XYLT1: variants seen among roughly 807,000 people sequenced by gnomAD.
XYLT1 encodes the protein xylosyltransferase 1.
Under a neutral mutation model 91.3 loss-of-function variants are expected in XYLT1, and 36 were observed. The ratio of observed to expected loss-of-function variants is 0.39; its 90% CI spans 0.30 to 0.52. The LOEUF (loss-of-function observed/expected upper bound fraction) is 0.52. Ranked by LOEUF, XYLT1 falls within the 20% of genes least tolerant of loss-of-function variation. XYLT1 has a pLI of 0.68. For synonymous variants in XYLT1, 588 were observed against 532.0 expected, an observed-to-expected ratio of 1.11 and a Z score of -1.45; for missense variants, 1,242 against 1,284.5, an observed-to-expected ratio of 0.97 and a Z score of 0.51.
At chr16:17,328,003 G>A (rs1186058852) in intron 2 of XYLT1, among the ~76,000 whole-genome samples, 1 of 152,070 alleles carries the variant, frequency 6.6e-6, no homozygotes, top group Admixed American at 6.6e-5. Flanking sequence ...TGGGAGGAGA[G>A]GACCATCATG....
chr16:17,303,204 T>C (rs1354811414), intron 2 of XYLT1, among the ~76,000 whole-genome samples: 1 of 152,208 alleles, frequency 6.6e-6, no homozygotes, highest in African/African-American at 2.4e-5. Flanking sequence ...GGAAATCATA[T>C]TTAGTTCAGG....
chr16:17,183,444 A>T (rs2032113959), intron 5 of XYLT1, among the ~76,000 whole-genome samples: 1 of 152,118 alleles, frequency 6.6e-6, no homozygotes, highest in African/African-American at 2.4e-5. Flanking sequence ...GTTGGCAAAA[A>T]ACTCAGGTCC....
intron 1 of XYLT1, among the ~76,000 whole-genome samples, chr16:17,363,698 C>T (rs543707404): frequency 6.6e-6 from 1 of 152,168 alleles, no homozygotes; most frequent in African/African-American, 2.4e-5. Flanking sequence ...TGCCACCACG[C>T]CCAGCTAATT....
intron 11 of XYLT1, 150 bp from the exon 12 acceptor site, chr16:17,109,167 C>G: frequency 1.1e-6 from 1 of 875,244 alleles, no homozygotes; most frequent in Non-Finnish European, 1.6e-6. Flanking sequence ...TTTTAGCAGT[C>G]CCATTTCACA....
chr16:17,201,128 CCT>C (rs2032533545), intron 3 of XYLT1, among the ~76,000 whole-genome samples: 2 of 152,146 alleles, frequency 1.3e-5, no homozygotes, highest in Non-Finnish European at 2.9e-5. Flanking sequence ...TGAAATCTCC[CCT>C]CTTAATAAAT....
chr16:17,340,492 C>T (rs1345338000), intron 2 of XYLT1, among the ~76,000 whole-genome samples: 1 of 152,180 alleles, frequency 6.6e-6, no homozygotes, highest in Non-Finnish European at 1.5e-5. Flanking sequence ...TTCGAGGTAT[C>T]ACAGAATGGT....
At chr16:17,356,370 T>A (rs1374050521) in intron 2 of XYLT1, among the ~76,000 whole-genome samples, 2 of 152,088 alleles carry the variant, frequency 1.3e-5, no homozygotes, top group South Asian at 4.2e-4. Context: ...GGAAACCGAA[T>A]CCTTTTCCTC....
At chr16:17,321,975 C>T (rs2034731169) in intron 2 of XYLT1, among the ~76,000 whole-genome samples, 1 of 152,138 alleles carries the variant, frequency 6.6e-6, no homozygotes, top group East Asian at 1.9e-4. Context: ...GTGAAGGGAA[C>T]TTATCATCAC....
In XYLT1 at chr16:17,108,587, A is replaced by G; in HGVS notation, c.*108T>C. On this transcript the variant is annotated 3_prime_UTR_variant, in exon 12 of 12. Transcript: ENST00000261381. The stretch of plus-strand genomic sequence containing the variant: ...ATCATTCTATGGCCAGGAGAGACCC[A>G]TTCACAGAGGGCCTCCCCCAGGGTG... 1 of 1,129,406 alleles carries G rather than the reference A, an allele frequency of 8.9e-7. No individual in the cohort carries two copies. Among genetic ancestry groups the G allele is most frequent in the Admixed American group, 2.9e-5 (1 of 34,868 alleles). The allele number at this position is 1,129,406 out of a possible 1,614,324, so 70.0% of individuals were successfully genotyped here. A position where few individuals can be genotyped will look rare whatever the true frequency, so the allele number is the denominator to read the frequency against.
intron 5 of XYLT1, among the ~76,000 whole-genome samples, chr16:17,187,643 TTTCTTCTTA>T: frequency 6.6e-6 from 1 of 151,972 alleles, no homozygotes; most frequent in East Asian, 1.9e-4. Context: ...TTTTCTTTTC[TTTCTTCTTA>T]TTTTCTTTTT....
At chr16:17,411,427 C>T (rs1177853910) in intron 1 of XYLT1, among the ~76,000 whole-genome samples, 3 of 152,140 alleles carry the variant, frequency 2.0e-5, no homozygotes, top group African/African-American at 7.2e-5. Flanking sequence ...ACAAGGAATG[C>T]TGCTACTATC....
chr16:17,317,013 G>A (rs896338155), intron 2 of XYLT1, among the ~76,000 whole-genome samples: 2 of 150,878 alleles, frequency 1.3e-5, no homozygotes, highest in African/African-American at 2.4e-5. Flanking sequence ...TAGTAGAGAC[G>A]GAGTTTCACC....
At chr16:17,286,908 C>G (rs2034149429) in intron 2 of XYLT1, among the ~76,000 whole-genome samples, 1 of 152,116 alleles carries the variant, frequency 6.6e-6, no homozygotes, top group African/African-American at 2.4e-5. Flanking sequence ...AGTTCAAACC[C>G]TGAATTCTGT....
chr16:17,436,953 G>A (rs954990672), intron 1 of XYLT1, among the ~76,000 whole-genome samples: 13 of 152,180 alleles, frequency 8.5e-5, no homozygotes, highest in African/African-American at 3.1e-4. Context: ...TGTGAAATGG[G>A]TGATGATAAC....
intron 3 of XYLT1, among the ~76,000 whole-genome samples, chr16:17,212,020 T>A (rs961587745): frequency 6.6e-6 from 1 of 152,194 alleles, no homozygotes; most frequent in African/African-American, 2.4e-5. Flanking sequence ...TGGTGGGGGA[T>A]AGGGCGTGGA....
chr16:17,349,469 C>T (rs55716088), intron 2 of XYLT1, among the ~76,000 whole-genome samples: 10,136 of 151,808 alleles, frequency 0.067, 1,184 homozygotes, highest in African/African-American at 0.23. Context: ...ACCTACTGAC[C>T]GTACAACTTT....
At chr16:17,138,146 GGTTAATGA>G (rs1021785514) in intron 8 of XYLT1, 3 of 531,930 alleles carry the variant, frequency 5.6e-6, no homozygotes, top group African/African-American at 5.6e-5. Flanking sequence ...GTTGTTTTTG[GGTTAATGA>G]GTCAATGTGG....
intron 1 of XYLT1, among the ~76,000 whole-genome samples, chr16:17,430,334 C>T (rs942090832): frequency 2.6e-5 from 4 of 152,150 alleles, no homozygotes; most frequent in Admixed American, 6.5e-5. Flanking sequence ...TTCAGAATTT[C>T]AGATTACGGG....
At chr16:17,465,708 C>A (rs779077582) in intron 1 of XYLT1, among the ~76,000 whole-genome samples, 1 of 152,106 alleles carries the variant, frequency 6.6e-6, no homozygotes, top group African/African-American at 2.4e-5. Flanking sequence ...CATTCTACTG[C>A]CTTGGATTTA....
Sources: allele counts gnomAD v4.1 joint callset (sites outside exome capture counted in the v4.1 genomes callset), GRCh38; gene constraint gnomAD v4.1.1; transcripts MANE v1.5; gene names NCBI Gene and HGNC (gene_info 2026-07-23, HGNC 2026-07-21).